CD101: variants seen among roughly 807,000 people sequenced by gnomAD.
CD101 encodes the protein CD101 molecule, also known as immunoglobulin superfamily member 2.
Under a neutral mutation model 98.2 loss-of-function variants are expected in CD101, and 76 were observed. The observed-to-expected ratio is 0.77, with a 90% confidence interval of 0.64 to 0.94. The LOEUF (loss-of-function observed/expected upper bound fraction) is 0.94. CD101 is among the 40% of genes least tolerant of loss of function. The pLI, the probability that CD101 is intolerant of heterozygous loss-of-function variation, is 0.00. For synonymous variants in CD101, 471 were observed against 472.7 expected, an observed-to-expected ratio of 1.00 and a Z score of 0.05; for missense variants, 1,145 against 1,218.8, an observed-to-expected ratio of 0.94 and a Z score of 0.90.
At chr1:117,031,971 T>C (rs766143585) in intron 8 of CD101, 2 of 152,196 alleles carry the variant, frequency 1.3e-5, no homozygotes, top group Non-Finnish European at 2.9e-5. Flanking sequence ...TATGCTTCCT[T>C]CTAGCCACGG....
chr1:117,018,060 G>A lies in CD101; in HGVS notation c.1613-96G>A. 3 of 1,024,714 alleles carry A rather than the reference G, an allele frequency of 2.9e-6. No homozygotes were observed. Among genetic ancestry groups the A allele is most frequent in the Non-Finnish European group, 2.8e-6 (2 of 716,348 alleles). The allele number at this position is 1,024,714 out of a possible 1,614,324, so 63.5% of individuals were successfully genotyped here. On this transcript the variant is annotated intron_variant, in intron 5 of 9. Coordinates refer to ENST00000682167, the MANE Select transcript of CD101 (RefSeq NM_001256106.3). The surrounding 1 kb of genome is among the most constrained non-coding windows in gnomAD (Gnocchi z 4.3). ...GGAAACTCCAAATGTACAAATGCATGGTCCTAGTCAAAGAGGTGGCAACTA... is the reference window on the plus strand; with the variant it reads ...GGAAACTCCAAATGTACAAATGCATAGTCCTAGTCAAAGAGGTGGCAACTA...
intron 1 of CD101, 99 bp downstream of exon 1, chr1:117,001,959 C>A: frequency 9.2e-7 from 1 of 1,092,318 alleles, no homozygotes; most frequent in Non-Finnish European, 1.4e-6. Flanking sequence ...ACAGGAACAA[C>A]TATGCCATAT....
chr1:117,025,130 A>G (rs1238843555), intron 7 of CD101, among the ~76,000 whole-genome samples: 1 of 152,208 alleles, frequency 6.6e-6, no homozygotes, highest in African/African-American at 2.4e-5. Context: ...TGGGAGGCTG[A>G]GGTGGGCAGA....
In CD101 at chr1:117,005,303, T is replaced by C. The variant is rs1652467436; in HGVS notation, c.43+3443T>C. Reference sequence around the variant, plus strand: ...ACCTAGCTACTCTTTCTAGCTGCCATCCTAATCTTCATTTTTCCTTCTCCA... The same window carrying C: ...ACCTAGCTACTCTTTCTAGCTGCCACCCTAATCTTCATTTTTCCTTCTCCA... On this transcript the variant is annotated intron_variant, in intron 1 of 9. Transcript: ENST00000682167. This position sits in a 1 kb window ranked among gnomAD's most constrained non-coding sequence, Gnocchi z 4.4. Among the ~76,000 whole-genome samples the C allele has an allele frequency of 6.6e-6, 1 of 152,080 alleles. No homozygotes were observed.
In CD101 at chr1:117,011,956, C is replaced by G. The variant is rs1433993264; in HGVS notation, c.831C>G (p.Ile277Met). The G allele has an allele frequency of 6.2e-7, 1 of 1,610,806 alleles. No individual in the cohort carries two copies. Among genetic ancestry groups the G allele is most frequent in the Non-Finnish European group, 8.5e-7 (1 of 1,177,574 alleles). The stretch of plus-strand genomic sequence containing the variant: ...AGACCGATCAAACCACTCTGAGGAT[C>G]CAGCCAGCAGGTAATTATCTTCCTA... ...KKQTDQTTLRIQPAVKDFQVN... is the reference protein window; with the variant it reads ...KKQTDQTTLRMQPAVKDFQVN... Residue 277 changes from isoleucine (I) to methionine (M), a missense_variant, in exon 3 of 10, where the codon ATC becomes ATG. Ile to Met is a conservative substitution (Grantham distance 10, BLOSUM62 1). Coordinates refer to ENST00000682167, the MANE Select transcript of CD101 (RefSeq NM_001256106.3).
At position 117,010,215 on chromosome 1, in the gene CD101, A is replaced by G. The variant is rs950666259; in HGVS notation, c.409A>G (p.Lys137Glu). ...DEKYYGSYSA[K>E]TNLIVIPDTL... ...GAAATACTATGGAAGTTACAGTGCA[A>G]AGACTAATCTAATTGGTAAGTTGCT... Residue 137 changes from lysine (K) to glutamate (E), a missense_variant, in exon 2 of 10, where the codon AAG becomes GAG. By Grantham distance (56) the Lys-to-Glu change is moderately conservative. Transcript: ENST00000682167. The surrounding 1 kb of genome is among the most constrained non-coding windows in gnomAD (Gnocchi z 5.2). 6.2e-7 allele frequency: 1 copy of G among 1,609,900 alleles called. No homozygotes were observed. Among genetic ancestry groups the G allele is most frequent in the Non-Finnish European group, 8.5e-7 (1 of 1,176,730 alleles).
chr1:117,013,365 C>T, intron 3 of CD101, 41 bp from the exon 4 acceptor site: 2 of 1,564,604 alleles, frequency 1.3e-6, no homozygotes, highest in South Asian at 2.4e-5. Flanking sequence ...AGGACAGAGG[C>T]TGTGGGCTCT....
chr1:117,026,438 T>G (rs924286353), intron 8 of CD101: 2 of 152,496 alleles, frequency 1.3e-5, no homozygotes, highest in African/African-American at 4.8e-5. Flanking sequence ...ATCCGATTTG[T>G]TCCTTGAGGT....
intron 8 of CD101, among the ~76,000 whole-genome samples, chr1:117,029,217 G>GAAAGAA (rs879576591): frequency 9.7e-4 from 21 of 21,654 alleles, no homozygotes; most frequent in Non-Finnish European, 1.4e-3. Context: ...AGAAAGAAAA[G>GAAAGAA]AAAGAAAGAA....
chr1:117,017,718 C>T (rs532754475), intron 5 of CD101, among the ~76,000 whole-genome samples: 1 of 152,200 alleles, frequency 6.6e-6, no homozygotes. Context: ...TATGGATCAG[C>T]TTATAGACGA....
At chr1:117,031,924 G>A (rs1654488037) in intron 8 of CD101, among the ~76,000 whole-genome samples, 1 of 152,104 alleles carries the variant, frequency 6.6e-6, no homozygotes, top group African/African-American at 2.4e-5. Context: ...TATAATACCT[G>A]GACTCCATGG....
At position 117,004,152 on chromosome 1, in the gene CD101, G is replaced by C. The variant is rs980455156; in HGVS notation, c.43+2292G>C. ...AAATAATGGCCATTAATATGGCAGG[G>C]TTTGGGGGAAGGGCTATTGTCTGTC... On this transcript the variant is annotated intron_variant, in intron 1 of 9. Coordinates refer to ENST00000682167, the MANE Select transcript of CD101 (RefSeq NM_001256106.3). The surrounding 1 kb of genome is among the most constrained non-coding windows in gnomAD (Gnocchi z 4.1). Among the ~76,000 whole-genome samples, 2 of 152,122 alleles carry C rather than the reference G, an allele frequency of 1.3e-5. No individual in the cohort carries two copies. Among genetic ancestry groups the C allele is most frequent in the African/African-American group, 4.8e-5 (2 of 41,406 alleles).
chr1:117,005,852 CTA>C lies in CD101; in HGVS notation c.43+3993_43+3994del, dbSNP rs1652493906. Among the ~76,000 whole-genome samples the C allele has an allele frequency of 6.6e-6, 1 of 151,916 alleles. No individual in the cohort carries two copies. Among genetic ancestry groups the C allele is most frequent in the Admixed American group, 6.6e-5 (1 of 15,244 alleles). ...TCAAATCCTAGGAGTTTTTACATAA[CTA>C]AATATGGGAATATCACAGGGTTTTT... On this transcript the variant is annotated intron_variant, in intron 1 of 9. Coordinates refer to ENST00000682167, the MANE Select transcript of CD101 (RefSeq NM_001256106.3). This position sits in a 1 kb window ranked among gnomAD's most constrained non-coding sequence, Gnocchi z 4.4.
chr1:117,016,983 A>T (rs1392681348), intron 4 of CD101, 107 bp from the exon 5 acceptor site: 5 of 1,274,956 alleles, frequency 3.9e-6, no homozygotes, highest in Non-Finnish European at 5.4e-6. Context: ...GCCCAATTTG[A>T]CTTGTCACAA....
Position 117,022,089 on chromosome 1 carries a change from A to C in CD101, c.2428+106A>C. The C allele has an allele frequency of 8.0e-7, 1 of 1,248,834 alleles. No homozygotes were observed. Among genetic ancestry groups the C allele is most frequent in the Non-Finnish European group, 1.1e-6 (1 of 895,560 alleles). The allele number at this position is 1,248,834 out of a possible 1,614,324, so 77.4% of individuals were successfully genotyped here. ...TATGTGGAAGTAAAAATATGACCTA[A>C]AGTCATAGGAACAGTATCTACCTAC... On this transcript the variant is annotated intron_variant, in intron 7 of 9. Coordinates refer to ENST00000682167, the MANE Select transcript of CD101 (RefSeq NM_001256106.3). This position sits in a 1 kb window ranked among gnomAD's most constrained non-coding sequence, Gnocchi z 4.8.
In CD101 at chr1:117,036,337, G is replaced by GT. The variant is rs1570757802; in HGVS notation, c.*204dup. 6.6e-6 allele frequency: 1 copy of GT among 152,140 alleles called. No homozygotes were observed. The highest frequency in any genetic ancestry group is 2.4e-5 in the African/African-American group (1 of 41,370). 9.4% of individuals were successfully genotyped at this position (152,140 alleles called of 1,614,324 possible). A position where few individuals can be genotyped will look rare whatever the true frequency, so the allele number is the denominator to read the frequency against. The stretch of plus-strand genomic sequence containing the variant: ...CAGGGGGAGCTATAGCTTCATGACC[G>GT]TAACATGTGACCTGTGTGCTGGCAG... On this transcript the variant is annotated 3_prime_UTR_variant, in exon 10 of 10. Coordinates refer to ENST00000682167, the MANE Select transcript of CD101 (RefSeq NM_001256106.3). The surrounding 1 kb of genome is among the most constrained non-coding windows in gnomAD (Gnocchi z 5.0).
In CD101 at chr1:117,009,954, G is replaced by C; in HGVS notation, c.148G>C (p.Gly50Arg). 6.2e-7 allele frequency: 1 copy of C among 1,614,156 alleles called. No individual in the cohort carries two copies. The highest frequency in any genetic ancestry group is 2.2e-5 in the East Asian group (1 of 44,890). ...SIGCNVTGHQ[G>R]PSEQHFQWSV... ...TGGCTGCAATGTAACTGGCCACCAGGGACCTTCTGAGCAGCATTTCCAGTG... is the reference window on the plus strand; with the variant it reads ...TGGCTGCAATGTAACTGGCCACCAGCGACCTTCTGAGCAGCATTTCCAGTG... The change falls in exon 2 of 10, where the codon GGA (glycine) becomes CGA (arginine). Residue 50 changes from glycine to arginine, a missense_variant. Physicochemically the swap from Gly to Arg is moderately radical, Grantham distance 125. Coordinates refer to ENST00000682167, the MANE Select transcript of CD101 (RefSeq NM_001256106.3).
rs1653701517 is a variant in CD101, at chr1:117,023,452, C to CAG, written c.2428+1469_2428+1470insAG. ...CTTTTTTTTTAGACGGAGTCTTGCTCTGTTGCTCAGGCTGGAGTCAGTGGT... is the reference window on the plus strand; with the variant it reads ...CTTTTTTTTTAGACGGAGTCTTGCTCAGTGTTGCTCAGGCTGGAGTCAGTGGT... On this transcript the variant is annotated intron_variant, in intron 7 of 9. Transcript: ENST00000682167. The surrounding 1 kb of genome is among the most constrained non-coding windows in gnomAD (Gnocchi z 4.4). 6.6e-6 allele frequency among the ~76,000 whole-genome samples: 1 copy of CAG among 152,018 alleles called. No homozygotes were observed.
At chr1:117,030,639 A>C (rs536362006) in intron 8 of CD101, among the ~76,000 whole-genome samples, 1 of 152,324 alleles carries the variant, frequency 6.6e-6, no homozygotes, top group South Asian at 2.1e-4. Context: ...CATTCAACAA[A>C]TGCTTAATGA....
Sources: allele counts gnomAD v4.1 joint callset (sites outside exome capture counted in the v4.1 genomes callset), GRCh38; gene constraint gnomAD v4.1.1; non-coding constraint Gnocchi (gnomAD v3.1); transcripts MANE v1.5; gene names NCBI Gene and HGNC (gene_info 2026-07-23, HGNC 2026-07-21).